The following ACACA variants were observed in gnomAD, a reference collection of about 807,000 sequenced individuals.
ACACA encodes the protein acetyl-CoA carboxylase 1.
ACACA carries 103 observed loss-of-function variants against 296.1 expected under a neutral mutation model. The observed-to-expected ratio is 0.35, with a 90% CI of 0.30 to 0.41. ACACA has a LOEUF of 0.41. Among genes scored for constraint, ACACA ranks in the 10% least tolerant of loss-of-function variants. The pLI, the probability that ACACA is intolerant of heterozygous loss-of-function variation, is 1.00. For missense variants in ACACA, 1,554 were observed against 2,989.7 expected, an observed-to-expected ratio of 0.52 and a Z score of 11.20; for synonymous variants, 953 against 1,038.6, an observed-to-expected ratio of 0.92 and a Z score of 1.58.
intron 1 of ACACA, 62 bp from the exon 2 acceptor site, chr17:37,339,912 C>A: frequency 1.2e-6 from 1 of 852,720 alleles, no homozygotes. Flanking sequence ...TTGTCAATTC[C>A]TGTTTTGCTC....
intron 29 of ACACA, among the ~76,000 whole-genome samples, chr17:37,218,350 TAAC>T (rs1174161131): frequency 6.6e-6 from 1 of 152,220 alleles, no homozygotes; most frequent in South Asian, 2.1e-4. Context: ...GAAAAAATAT[TAAC>T]AATTGTTATT....
intron 12 of ACACA, 61 bp downstream of exon 12, chr17:37,259,299 A>G: frequency 1.3e-6 from 2 of 1,593,602 alleles, no homozygotes; most frequent in South Asian, 2.2e-5. Flanking sequence ...CACTGGTTAA[A>G]CCCATTTTTC....
intron 45 of ACACA, among the ~76,000 whole-genome samples, chr17:37,149,353 A>T (rs2075946399): frequency 6.6e-6 from 1 of 152,228 alleles, no homozygotes; most frequent in Non-Finnish European, 1.5e-5. Context: ...AGATTTCACA[A>T]AATCATTAAA....
Position 37,192,157 on chromosome 17 carries a change from C to A in ACACA, c.4349G>T (p.Gly1450Val). The A allele has an allele frequency of 6.2e-7, 1 of 1,614,032 alleles. No homozygotes were observed. Among genetic ancestry groups the A allele is most frequent in the Non-Finnish European group, 8.5e-7 (1 of 1,180,002 alleles). The change falls in exon 37 of 56, where the codon GGC becomes GTC. Residue 1450 changes from glycine (G) to valine (V), a missense_variant. Around this residue, in one of 16 missense-constraint regions of ACACA, gnomAD observed 179 missense variants for 283.2 expected, o/e 0.63. Transcript: ENST00000616317. Reference sequence around the variant, plus strand: ...GAACCTGTAGTCTGTCACTTCTGTGCCCACTTCCACCTTGGCTGCCCCGAG... The same window carrying A: ...GAACCTGTAGTCTGTCACTTCTGTGACCACTTCCACCTTGGCTGCCCCGAG... ...LYLGAAKVEV[G>V]TEVTDYRFFV...
intron 19 of ACACA, among the ~76,000 whole-genome samples, chr17:37,246,581 T>A (rs2080713924): frequency 6.6e-6 from 1 of 152,042 alleles, no homozygotes; most frequent in Admixed American, 6.6e-5. Context: ...TACAGGCATG[T>A]GCCACTGTAC....
At chr17:37,304,683 G>A (rs920453731) in intron 3 of ACACA, among the ~76,000 whole-genome samples, 1 of 151,954 alleles carries the variant, frequency 6.6e-6, no homozygotes, top group Non-Finnish European at 1.5e-5. Flanking sequence ...CCAGCTACTC[G>A]GGAGGCTGAG....
At chr17:37,291,906 G>A (rs1488552857) in intron 3 of ACACA, among the ~76,000 whole-genome samples, 1 of 152,052 alleles carries the variant, frequency 6.6e-6, no homozygotes, top group Non-Finnish European at 1.5e-5. Context: ...AAAAGGCAGT[G>A]CCTTTTAGGA....
chr17:37,170,699 A>G (rs2076851636), intron 41 of ACACA, among the ~76,000 whole-genome samples: 1 of 152,208 alleles, frequency 6.6e-6, no homozygotes, highest in Non-Finnish European at 1.5e-5. Context: ...TAATATTAAC[A>G]TTTATTCTGA....
At chr17:37,245,507 A>C (rs1034320604) in intron 19 of ACACA, among the ~76,000 whole-genome samples, 5 of 152,236 alleles carry the variant, frequency 3.3e-5, no homozygotes, top group Admixed American at 3.3e-4. Context: ...AGTAAGGAAC[A>C]ATTTAATATC....
chr17:37,311,099 G>T (rs1043578140), intron 3 of ACACA, among the ~76,000 whole-genome samples: 1 of 152,164 alleles, frequency 6.6e-6, no homozygotes, highest in African/African-American at 2.4e-5. Flanking sequence ...AGTCATTAGT[G>T]GTTTTTACGA....
At chr17:37,276,711 A>C (rs2146487168) in intron 7 of ACACA, among the ~76,000 whole-genome samples, 1 of 152,310 alleles carries the variant, frequency 6.6e-6, no homozygotes, top group Middle Eastern at 3.4e-3. Flanking sequence ...ACTATCTAAA[A>C]ACAGGTCATT....
At chr17:37,198,641 C>T (rs998009143) in intron 35 of ACACA, among the ~76,000 whole-genome samples, 6 of 152,204 alleles carry the variant, frequency 3.9e-5, no homozygotes, top group Non-Finnish European at 8.8e-5. Context: ...TATTGATTGA[C>T]ATATATCTAC....
intron 3 of ACACA, among the ~76,000 whole-genome samples, chr17:37,323,623 G>C (rs2047455767): frequency 6.6e-6 from 1 of 152,024 alleles, no homozygotes; most frequent in South Asian, 2.1e-4. Flanking sequence ...ATTTAGCATA[G>C]GATAAAAAAG....
In ACACA at chr17:37,085,965, C is replaced by G. The variant is rs2072169935; in HGVS notation, c.*1351G>C. The G allele has an allele frequency of 1.8e-5, 7 of 397,832 alleles. No individual in the cohort carries two copies. Among genetic ancestry groups the G allele is most frequent in the Non-Finnish European group, 2.7e-5 (6 of 225,950 alleles). The allele number at this position is 397,832 out of a possible 1,614,324, so 24.6% of individuals were successfully genotyped here. A position where few individuals can be genotyped will look rare whatever the true frequency, so the allele number is the denominator to read the frequency against. Reference sequence around the variant, plus strand: ...TCACCTGCCACTCTTGCTTTAGGAACAGAGGAATCAGTAAGTTCTTTTCTT... The same window carrying G: ...TCACCTGCCACTCTTGCTTTAGGAAGAGAGGAATCAGTAAGTTCTTTTCTT... On this transcript the variant is annotated 3_prime_UTR_variant, in exon 56 of 56. Transcript: ENST00000616317.
At chr17:37,090,923 GA>G (rs755698651) in intron 54 of ACACA, among the ~76,000 whole-genome samples, 5,567 of 139,456 alleles carry the variant, frequency 0.04, 130 homozygotes, top group Middle Eastern at 0.13. Context: ...TTTCAGAATG[GA>G]AAAAAAAAAA....
intron 30 of ACACA, 73 bp downstream of exon 30, chr17:37,210,394 T>A (rs758656850): frequency 7.1e-7 from 1 of 1,415,720 alleles, no homozygotes; most frequent in African/African-American, 1.4e-5. Flanking sequence ...TTGTGGTTTT[T>A]TTTTTCCTGG....
chr17:37,353,155 A>C (rs907964563), intron 1 of ACACA, among the ~76,000 whole-genome samples: 1 of 152,202 alleles, frequency 6.6e-6, no homozygotes, highest in Non-Finnish European at 1.5e-5. Flanking sequence ...TTGCCTTGCC[A>C]GGGCCAGGAA....
chr17:37,231,749 T>C (rs2079869035), intron 25 of ACACA, among the ~76,000 whole-genome samples: 1 of 152,240 alleles, frequency 6.6e-6, no homozygotes, highest in Non-Finnish European at 1.5e-5. Flanking sequence ...GGCTAGAAGA[T>C]ATGTACATTG....
intron 55 of ACACA, 63 bp downstream of exon 55, chr17:37,088,875 A>T: frequency 6.3e-7 from 1 of 1,591,540 alleles, no homozygotes; most frequent in East Asian, 2.2e-5. Context: ...ATTTGTTTGG[A>T]AACTTTTTAT....
Sources: gnomAD v4.1 joint callset for allele counts (sites outside exome capture counted in the v4.1 genomes callset) on GRCh38, gnomAD v4.1.1 for gene constraint, gnomAD v4.1.1 regional missense constraint, MANE v1.5 for transcripts, NCBI Gene and HGNC (gene_info 2026-07-23, HGNC 2026-07-21) for gene names.